The following PTOV1 variants were observed in gnomAD, a reference collection of about 807,000 sequenced individuals.
PTOV1 encodes PTOV1 extended AT-hook containing adaptor protein.
In PTOV1, 20 loss-of-function variants were observed where a neutral mutation model predicts 58.0. The observed-to-expected ratio is 0.34, with a 90% CI of 0.24 to 0.50. The LOEUF is 0.50. Ranked by LOEUF, PTOV1 falls within the 20% of genes least tolerant of loss-of-function variation. PTOV1 has a pLI of 0.98. For synonymous variants in PTOV1, 335 were observed against 234.2 expected (o/e 1.43, Z -3.93); for missense variants, 593 against 565.4 (o/e 1.05, Z -0.50).
rs753558526 is a variant in PTOV1, at chr19:49,857,992, G to A, written c.878+15G>A. On this transcript the variant is annotated intron_variant, in intron 8 of 11. Transcript: ENST00000391842. Reference sequence around the variant, plus strand: ...GGGGAGATCCTGTGAGTGCTGGGCTGGGGGGTGGAGGCAGCATCCAGGGGA... The same window carrying A: ...GGGGAGATCCTGTGAGTGCTGGGCTAGGGGGTGGAGGCAGCATCCAGGGGA... The A allele has an allele frequency of 1.7e-5, 27 of 1,611,798 alleles. No individual in the cohort carries two copies. The highest frequency in any genetic ancestry group is 2.1e-5 in the Non-Finnish European group (25 of 1,178,656).
chr19:49,858,675 A>G, intron 10 of PTOV1, 22 bp downstream of exon 10: 2 of 1,567,110 alleles, frequency 1.3e-6, no homozygotes, highest in Non-Finnish European at 1.7e-6. Flanking sequence ...CAGCAGACGC[A>G]GGGGAGGGGC....
intron 6 of PTOV1, 185 bp downstream of exon 6, chr19:49,857,315 G>T (rs2074516741): frequency 2.5e-6 from 2 of 801,038 alleles, no homozygotes; most frequent in Non-Finnish European, 2.0e-6. Flanking sequence ...CCACTGGGCG[G>T]CTCTGCAGGG....
exon 7 of PTOV1, chr19:49,857,726 G>A (rs769682090): frequency 1.2e-6 from 2 of 1,614,164 alleles, no homozygotes; most frequent in African/African-American, 1.3e-5. Context: ...CTCAGGCCCA[G>A]TCCAGATCGT....
chr19:49,858,268 C>G (rs1040719937), intron 9 of PTOV1, 154 bp downstream of exon 9: 3 of 1,065,576 alleles, frequency 2.8e-6, no homozygotes, highest in Non-Finnish European at 4.0e-6. Flanking sequence ...GCTCCTCAGG[C>G]TTGGCTTCAA....
chr19:49,854,714 C>T lies in PTOV1; in HGVS notation c.372C>T (p.Tyr124=), dbSNP rs750019888. ...AGCGGACCCTGCCCTGCCAAGCCTA[C>T]GTGAACCAAGGCGAGAACCTGTGAG... The change falls in exon 3 of 12, where the codon TAC becomes TAT. Residue 124 remains tyrosine, a synonymous_variant. Transcript: ENST00000391842. The T allele has an allele frequency of 6.5e-5, 105 of 1,613,414 alleles. No homozygotes were observed. In the South Asian group the frequency reaches 7.4e-4, roughly 11 times the overall value.
At chr19:49,859,727 A>G (rs2122282830) in intron 10 of PTOV1, among the ~76,000 whole-genome samples, 1 of 152,168 alleles carries the variant, frequency 6.6e-6, no homozygotes, top group Admixed American at 6.5e-5. Flanking sequence ...GGCCCCAGAC[A>G]CAGCCTGGCC....
chr19:49,851,933 C>T, intron 1 of PTOV1: 2 of 858,792 alleles, frequency 2.3e-6, no homozygotes, highest in Non-Finnish European at 2.6e-6. Context: ...ATGTCGCACC[C>T]GTGGGCGTTC....
intron 9 of PTOV1, 171 bp downstream of exon 9, chr19:49,858,285 C>T (rs1438633736): frequency 5.6e-6 from 5 of 888,448 alleles, no homozygotes; most frequent in African/African-American, 5.0e-5. Flanking sequence ...TCAAGGGGTC[C>T]CAGGCAGCCA....
exon 6 of PTOV1, chr19:49,857,108 A>T (rs755360949): frequency 1.2e-6 from 2 of 1,614,042 alleles, no homozygotes; most frequent in Non-Finnish European, 1.7e-6. Flanking sequence ...GCCATCCGGC[A>T]GGTCATCACC....
chr19:49,857,871 C>T lies in PTOV1; in HGVS notation c.805-33C>T, dbSNP rs2074548962. 3.7e-6 allele frequency: 6 copies of T among 1,612,366 alleles called. No homozygotes were observed. In the Admixed American group the frequency reaches 5.0e-5, roughly 13 times the overall value. On this transcript the variant is annotated intron_variant, in intron 7 of 11. Coordinates refer to ENST00000391842, the Ensembl canonical transcript of PTOV1. ...GACACTGGCATTGGGGGTCTCCAGCCCTGAGGGCTCCTCTTTGCCTCTCCC... is the reference window on the plus strand; with the variant it reads ...GACACTGGCATTGGGGGTCTCCAGCTCTGAGGGCTCCTCTTTGCCTCTCCC...
At chr19:49,858,022 G>C in intron 8 of PTOV1, 35 bp from the exon 9 acceptor site, 1 of 1,613,646 alleles carries the variant, frequency 6.2e-7, no homozygotes, top group Non-Finnish European at 8.5e-7. Flanking sequence ...AGGGGAGCTG[G>C]GGCTTCCTGA....
Position 49,854,552 on chromosome 19 carries a change from C to G in PTOV1, c.309+9C>G. On this transcript the variant is annotated intron_variant, in intron 2 of 11. Coordinates refer to ENST00000391842, the Ensembl canonical transcript of PTOV1. ...TCCTCGAGTGGCAGGAGGTGAGTCT[C>G]TGTGGGGCTGCGGCTGGCCTCCAGG... is the stretch of plus-strand genomic sequence containing the variant. 6.2e-7 allele frequency: 1 copy of G among 1,612,710 alleles called. No individual in the cohort carries two copies. Among genetic ancestry groups the G allele is most frequent in the Admixed American group, 1.7e-5 (1 of 59,990 alleles).
chr19:49,859,672 T>C (rs530094197), intron 10 of PTOV1, among the ~76,000 whole-genome samples: 4 of 152,224 alleles, frequency 2.6e-5, no homozygotes, highest in African/African-American at 7.2e-5. Flanking sequence ...CTCGGGCTCC[T>C]GAGTTGAAGC....
At chr19:49,853,625 A>T (rs2074344953) in intron 1 of PTOV1, among the ~76,000 whole-genome samples, 1 of 151,818 alleles carries the variant, frequency 6.6e-6, no homozygotes, top group South Asian at 2.1e-4. Context: ...CAAAAAAAAA[A>T]TAGTAATAAA....
chr19:49,857,482 A>T, intron 6 of PTOV1: 1 of 623,462 alleles, frequency 1.6e-6, no homozygotes, highest in South Asian at 2.0e-5. Flanking sequence ...CCTGTGCACC[A>T]GGTGAGGGCC....
exon 9 of PTOV1, chr19:49,858,095 T>G: frequency 6.2e-7 from 1 of 1,613,812 alleles, no homozygotes; most frequent in South Asian, 1.1e-5. Context: ...TACATGCAGC[T>G]CATCCCGCAG....
Position 49,858,120 on chromosome 19 carries a change from G to T in PTOV1, c.936+6G>T. On this transcript the variant is annotated splice_donor_region_variant and intron_variant, in intron 9 of 11. Coordinates refer to ENST00000391842, the Ensembl canonical transcript of PTOV1. ...TCATCCCGCAGCAGCTGCTGGTGAG[G>T]GGCTGGGGCCGGGTGCTGGAGCCTG... The T allele has an allele frequency of 1.2e-6, 2 of 1,612,838 alleles. No homozygotes were observed. The highest frequency in any genetic ancestry group is 1.1e-5 in the South Asian group (1 of 91,046).
chr19:49,851,223 G>A (rs998128712), exon 1 of PTOV1: 44 of 1,157,112 alleles, frequency 3.8e-5, no homozygotes, highest in South Asian at 8.3e-5. Flanking sequence ...GGCTCAGCCC[G>A]TCTCCCCCGA....
In PTOV1 at chr19:49,851,514, CT is replaced by C. The variant is rs1328758623; in HGVS notation, c.171+20del. 6 of 1,202,516 alleles carry C rather than the reference CT, an allele frequency of 5.0e-6. No individual in the cohort carries two copies. Among genetic ancestry groups the C allele is most frequent in the Non-Finnish European group, 5.2e-6 (5 of 965,798 alleles). The allele number at this position is 1,202,516 out of a possible 1,614,324, so 74.5% of individuals were successfully genotyped here. A position where few individuals can be genotyped will look rare whatever the true frequency, so the allele number is the denominator to read the frequency against. On this transcript the variant is annotated intron_variant, in intron 1 of 11. Transcript: ENST00000391842. ...CCCCTCCCATGGTGAGCCCCCCGCC[CT>C]TTTTCCAGAGCCTTCCACGGCCCCG...
Sources: gnomAD v4.1 joint callset for allele counts (sites outside exome capture counted in the v4.1 genomes callset) on GRCh38, gnomAD v4.1.1 for gene constraint, MANE v1.5 for transcripts, NCBI Gene and HGNC (gene_info 2026-07-23, HGNC 2026-07-21) for gene names.